Variants in MALRD1 observed in about 807,000 individuals in gnomAD.
MALRD1 encodes MAM and LDL-receptor class A domain-containing protein 1.
In MALRD1, 247 loss-of-function variants were observed where a neutral mutation model predicts 242.1. The observed-to-expected ratio is 1.02, with a 90% confidence interval of 0.92 to 1.13. The LOEUF (loss-of-function observed/expected upper bound fraction) is 1.13, where lower values mean the gene tolerates loss of function less well. Ranked by LOEUF, MALRD1 falls within the 50% of genes most tolerant of loss-of-function variation. The probability of loss-of-function intolerance (pLI) is 0.00; values close to 1 mark genes in which losing one functional copy is unlikely to be tolerated. For missense variants in MALRD1, 2,989 were observed against 2,533.1 expected (o/e 1.18, Z -3.86); for synonymous variants, 995 against 866.6 (o/e 1.15, Z -2.60).
At chr10:19,062,755 TA>T (rs1338296603) in intron 1 of MALRD1, among the ~76,000 whole-genome samples, 1 of 152,134 alleles carries the variant, frequency 6.6e-6, no homozygotes, top group Non-Finnish European at 1.5e-5. Context: ...AGGTGGTGTT[TA>T]ATGGGTACAA....
chr10:19,705,803 G>GAAAAAAAAAAAAAAA (rs779404664), intron 38 of MALRD1, among the ~76,000 whole-genome samples: 3 of 25,792 alleles, frequency 1.2e-4, no homozygotes, highest in African/African-American at 3.0e-4. Context: ...TCCTGCAATA[G>GAAAAAAAAAAAAAAA]TAAAAAAAAA....
Position 19,265,436 on chromosome 10 carries a change from A to G in MALRD1, c.3079+7665A>G, listed in dbSNP as rs539118387. ...TTTGGTATGTTGTGTTTCCATTTTCATTTATCTCAGATTTTTTATTTCATT... is the reference window on the plus strand; with the variant it reads ...TTTGGTATGTTGTGTTTCCATTTTCGTTTATCTCAGATTTTTTATTTCATT... On this transcript the variant is annotated intron_variant, in intron 19 of 39. Coordinates refer to ENST00000454679, the MANE Select transcript of MALRD1 (RefSeq NM_001142308.3). 5.9e-5 allele frequency among the ~76,000 whole-genome samples: 9 copies of G among 151,492 alleles called. No individual in the cohort carries two copies. The South Asian group carries it at 1.9e-3, about 32-fold the overall frequency.
chr10:19,155,088 T>C lies in MALRD1; in HGVS notation c.1572T>C (p.Tyr524=), dbSNP rs1169387361. The change falls in exon 12 of 40, where the codon TAT becomes TAC. Residue 524 remains tyrosine, a synonymous_variant. Coordinates refer to ENST00000454679, the MANE Select transcript of MALRD1 (RefSeq NM_001142308.3). ...TANINHGSFI[Y]LEAQRSPGVA... Reference sequence around the variant, plus strand: ...TTGTTTTTTCAGGATCGTTTATTTATTTGGAGGCACAGCGCTCCCCCGGGG... The same window carrying C: ...TTGTTTTTTCAGGATCGTTTATTTACTTGGAGGCACAGCGCTCCCCCGGGG... 1.6e-6 allele frequency: 2 copies of C among 1,231,560 alleles called. No homozygotes were observed. The highest frequency in any genetic ancestry group is 2.0e-6 in the Non-Finnish European group (2 of 987,862). The allele number at this position is 1,231,560 out of a possible 1,614,324, so 76.3% of individuals were successfully genotyped here.
intron 24 of MALRD1, among the ~76,000 whole-genome samples, chr10:19,334,349 G>A (rs1254572684): frequency 6.6e-6 from 1 of 151,018 alleles, no homozygotes; most frequent in African/African-American, 2.4e-5. Flanking sequence ...TATGATAAAA[G>A]GTAGAGTTCC....
intron 26 of MALRD1, among the ~76,000 whole-genome samples, chr10:19,363,501 G>A (rs946570326): frequency 2.0e-5 from 3 of 152,108 alleles, no homozygotes; most frequent in African/African-American, 7.2e-5. Context: ...AATGTGCAAG[G>A]CAGTGGTGAA....
intron 29 of MALRD1, among the ~76,000 whole-genome samples, chr10:19,477,669 A>G (rs1199892325): frequency 6.6e-6 from 1 of 152,142 alleles, no homozygotes; most frequent in African/African-American, 2.4e-5. Flanking sequence ...TTGCAGAGAG[A>G]GAGGGGCTCC....
chr10:19,086,060 C>A lies in MALRD1; in HGVS notation c.341-1780C>A, dbSNP rs868042436. Among the ~76,000 whole-genome samples the A allele has an allele frequency of 1.7e-4, 26 of 152,130 alleles. 1 individual carries two copies. The highest frequency in any genetic ancestry group is 3.4e-3 in the Middle Eastern group (1 of 294). On this transcript the variant is annotated intron_variant, in intron 2 of 39. Coordinates refer to ENST00000454679, the MANE Select transcript of MALRD1 (RefSeq NM_001142308.3). ...TCCACTTGCATCACCATGATACCCGCTCTTCATCTAAATTGTGTTTACATA... is the reference window on the plus strand; with the variant it reads ...TCCACTTGCATCACCATGATACCCGATCTTCATCTAAATTGTGTTTACATA...
chr10:19,519,611 T>C (rs896738704), intron 31 of MALRD1, among the ~76,000 whole-genome samples: 1 of 151,986 alleles, frequency 6.6e-6, no homozygotes, highest in Non-Finnish European at 1.5e-5. Flanking sequence ...GCTACAATTT[T>C]TTTTTTATAA....
chr10:19,451,678 C>A (rs1835336118), intron 29 of MALRD1, among the ~76,000 whole-genome samples: 1 of 152,160 alleles, frequency 6.6e-6, no homozygotes, highest in South Asian at 2.1e-4. Flanking sequence ...TTCACTGAGG[C>A]AGTTCAAAAA....
At chr10:19,466,514 A>G (rs1243823478) in intron 29 of MALRD1, among the ~76,000 whole-genome samples, 1 of 152,152 alleles carries the variant, frequency 6.6e-6, no homozygotes, top group Non-Finnish European at 1.5e-5. Context: ...AGAGAAGTTA[A>G]CTTTCTCACA....
At chr10:19,322,263 G>A (rs1201589990) in intron 21 of MALRD1, among the ~76,000 whole-genome samples, 1 of 151,852 alleles carries the variant, frequency 6.6e-6, no homozygotes, top group African/African-American at 2.4e-5. Flanking sequence ...CTGTTATACT[G>A]GGATATTTAA....
chr10:19,451,110 A>G (rs887098737), intron 29 of MALRD1, among the ~76,000 whole-genome samples: 1 of 152,222 alleles, frequency 6.6e-6, no homozygotes, highest in South Asian at 2.1e-4. Flanking sequence ...CCGCTTTCTA[A>G]CATGGATAAT....
At chr10:19,696,254 T>A (rs2131834909) in intron 38 of MALRD1, among the ~76,000 whole-genome samples, 1 of 152,338 alleles carries the variant, frequency 6.6e-6, no homozygotes, top group South Asian at 2.1e-4. Context: ...TCATTCCTAG[T>A]ATGGGTTCCA....
chr10:19,256,655 C>T (rs534495878), intron 18 of MALRD1, among the ~76,000 whole-genome samples: 3 of 151,930 alleles, frequency 2.0e-5, no homozygotes, highest in Non-Finnish European at 4.4e-5. Flanking sequence ...TCCTGGTAGA[C>T]CTCAAGAAAG....
At chr10:19,525,037 T>C (rs1355260240) in intron 31 of MALRD1, among the ~76,000 whole-genome samples, 1 of 151,830 alleles carries the variant, frequency 6.6e-6, no homozygotes, top group Non-Finnish European at 1.5e-5. Context: ...CCCAAGTAGC[T>C]GGGATTACAG....
rs529798780 is a variant in MALRD1, at chr10:19,181,193, G to A, written c.1951+5865G>A. Among the ~76,000 whole-genome samples, 153 of 152,224 alleles carry A rather than the reference G, an allele frequency of 1.0e-3. 1 individual carries two copies. Among genetic ancestry groups the A allele is most frequent in the Non-Finnish European group, 1.7e-3 (116 of 68,008 alleles). On this transcript the variant is annotated intron_variant, in intron 14 of 39. Transcript: ENST00000454679. ...AGCAATAAAACTACCCTATGATTTA[G>A]CAATCTCTCTTTTGGGTATATACCC...
At chr10:19,175,715 C>T (rs1835203358) in intron 14 of MALRD1, among the ~76,000 whole-genome samples, 1 of 151,496 alleles carries the variant, frequency 6.6e-6, no homozygotes, top group Admixed American at 6.6e-5. Flanking sequence ...TCAGGATCAC[C>T]CAGGAGTTCA....
intron 2 of MALRD1, among the ~76,000 whole-genome samples, chr10:19,082,537 G>C (rs1278469100): frequency 6.6e-6 from 1 of 151,780 alleles, no homozygotes; most frequent in Non-Finnish European, 1.5e-5. Flanking sequence ...ATTTGACATA[G>C]CTGATTTAAA....
At chr10:19,472,839 GT>G (rs1352970464) in intron 29 of MALRD1, among the ~76,000 whole-genome samples, 1 of 150,718 alleles carries the variant, frequency 6.6e-6, no homozygotes. Context: ...AAACAAACTT[GT>G]AGTTTTTTTA....
Sources: allele counts gnomAD v4.1 joint callset (sites outside exome capture counted in the v4.1 genomes callset), GRCh38; gene constraint gnomAD v4.1.1; transcripts MANE v1.5; gene names NCBI Gene and HGNC (gene_info 2026-07-23, HGNC 2026-07-21).